Variants in LLGL2 observed in about 807,000 individuals in gnomAD.
The protein encoded by LLGL2 is LLGL2, scribble cell polarity complex component.
LLGL2 carries 81 observed loss-of-function variants against 123.2 expected under a neutral mutation model. The ratio of observed to expected loss-of-function variants is 0.66; its 90% CI spans 0.55 to 0.79. The LOEUF is 0.79. Ranked by LOEUF, LLGL2 falls within the 30% of genes least tolerant of loss-of-function variation. The pLI, the probability that LLGL2 is intolerant of heterozygous loss-of-function variation, is 0.00. For missense variants in LLGL2, 1,273 were observed against 1,414.6 expected, an observed-to-expected ratio of 0.90 and a Z score of 1.61; for synonymous variants, 577 against 594.1, an observed-to-expected ratio of 0.97 and a Z score of 0.42.
In LLGL2 at chr17:75,573,597, G is replaced by T. The variant is rs200220698; in HGVS notation, c.2842G>T (p.Gly948Cys). ...AETKNHRPGN[G>C]AGPKKAPSRA... is the part of the protein sequence containing the mutation. ...AACCAAGAACCACCGCCCTGGTAAC[G>T]GTGCGGGCCCCAAGAAGGCCCCGAG... Residue 948 changes from glycine to cysteine, a missense_variant, in exon 21 of 26, where the codon GGT (glycine) becomes TGT (cysteine). Physicochemically the swap from Gly to Cys is radical, Grantham distance 159. Coordinates refer to ENST00000392550, the MANE Select transcript of LLGL2 (RefSeq NM_001031803.2). The T allele has an allele frequency of 1.2e-6, 2 of 1,611,516 alleles. No homozygotes were observed. The highest frequency in any genetic ancestry group is 1.7e-6 in the Non-Finnish European group (2 of 1,179,640).
intron 19 of LLGL2, among the ~76,000 whole-genome samples, chr17:75,572,314 C>T (rs535806941): frequency 8.0e-5 from 12 of 150,546 alleles, no homozygotes; most frequent in African/African-American, 2.2e-4. Context: ...GGCAGGAGTT[C>T]GAGATCAGCC....
chr17:75,571,109 C>A lies in LLGL2; in HGVS notation c.2176+9C>A. 1 of 1,605,540 alleles carries A rather than the reference C, an allele frequency of 6.2e-7. No homozygotes were observed. Among genetic ancestry groups the A allele is most frequent in the Non-Finnish European group, 8.5e-7 (1 of 1,175,010 alleles). ...CACCTACCTGAAGGACAGTGAGTGG[C>A]CAGCCTGGGGTTGGGGGGCAGGGGG... On this transcript the variant is annotated intron_variant, in intron 17 of 25. Coordinates refer to ENST00000392550, the MANE Select transcript of LLGL2 (RefSeq NM_001031803.2).
rs1429219890 is a variant in LLGL2, at chr17:75,549,464, T to A, written c.75+5963T>A. 6.6e-6 allele frequency among the ~76,000 whole-genome samples: 1 copy of A among 150,468 alleles called. No homozygotes were observed. Among genetic ancestry groups the A allele is most frequent in the East Asian group, 2.0e-4 (1 of 5,030 alleles). On this transcript the variant is annotated intron_variant, in intron 2 of 25. Transcript: ENST00000392550. The surrounding 1 kb of genome is among the most constrained non-coding windows in gnomAD (Gnocchi z 4.0). Reference sequence around the variant, plus strand: ...CCCTGCCCGTGCCCACCCTCCTCTGTCCCCTTAGGCCCTGAACAAACAGTG... The same window carrying A: ...CCCTGCCCGTGCCCACCCTCCTCTGACCCCTTAGGCCCTGAACAAACAGTG...
intron 2 of LLGL2, among the ~76,000 whole-genome samples, chr17:75,554,820 C>T (rs1351502710): frequency 7.3e-5 from 11 of 149,844 alleles, no homozygotes; most frequent in Middle Eastern, 3.2e-3. Flanking sequence ...ACCTGGGAGG[C>T]GGAGCTTATA....
At chr17:75,566,894 G>A (rs1374677390) in intron 10 of LLGL2, among the ~76,000 whole-genome samples, 3 of 152,214 alleles carry the variant, frequency 2.0e-5, no homozygotes, top group Non-Finnish European at 4.4e-5. Context: ...GAGTTCAGAG[G>A]AGAGATCGGG....
intron 6 of LLGL2, among the ~76,000 whole-genome samples, chr17:75,561,847 C>T (rs947233836): frequency 8.6e-5 from 13 of 151,164 alleles, no homozygotes; most frequent in African/African-American, 2.9e-4. Flanking sequence ...GCTTGAACCC[C>T]GGAGGTGGAG....
chr17:75,543,591 T>TA, intron 2 of LLGL2, 90 bp downstream of exon 2: 3 of 1,005,732 alleles, frequency 3.0e-6, no homozygotes, highest in Non-Finnish European at 4.4e-6. Flanking sequence ...TGGATTAAGG[T>TA]ATAGCTCTTA....
upstream of LLGL2, chr17:75,525,304 C>G (rs981053883): frequency 6.6e-6 from 1 of 152,242 alleles, no homozygotes; most frequent in Non-Finnish European, 1.5e-5. The surrounding 1 kb of genome is among the most constrained non-coding windows in gnomAD (Gnocchi z 4.8). Context: ...GGGCTGGGCT[C>G]TGGCAGAGGA....
In LLGL2 at chr17:75,571,673, G is replaced by T; in HGVS notation, c.2183G>T (p.Arg728Leu). ...FADTYLKDSS[R>L]HCPSLWAGTN... is the part of the protein sequence containing the mutation. Reference sequence around the variant, plus strand: ...AAACATGGCTTCTCGGCAGGCTCCCGGCACTGCCCCTCGCTGTGGGCTGGC... The same window carrying T: ...AAACATGGCTTCTCGGCAGGCTCCCTGCACTGCCCCTCGCTGTGGGCTGGC... The change falls in exon 18 of 26, where the codon CGG becomes CTG. Residue 728 changes from arginine (R) to leucine (L), a missense_variant. Arg to Leu is a moderately radical substitution (Grantham distance 102). Transcript: ENST00000392550. 1 of 1,607,632 alleles carries T rather than the reference G, an allele frequency of 6.2e-7. No homozygotes were observed.
In LLGL2 at chr17:75,559,509, G is replaced by C; in HGVS notation, c.530+99G>C. ...CTCTGTCAGGAGCTGTCATTTCTCT[G>C]CTGGGAATTCCATGGGGCTATAGCA... On this transcript the variant is annotated intron_variant, in intron 6 of 25. Coordinates refer to ENST00000392550, the MANE Select transcript of LLGL2 (RefSeq NM_001031803.2). The surrounding 1 kb of genome is among the most constrained non-coding windows in gnomAD (Gnocchi z 4.6). 7.0e-7 allele frequency: 1 copy of C among 1,434,928 alleles called. No individual in the cohort carries two copies. The highest frequency in any genetic ancestry group is 9.3e-7 in the Non-Finnish European group (1 of 1,074,308). The allele number at this position is 1,434,928 out of a possible 1,614,324, so 88.9% of individuals were successfully genotyped here.
Position 75,558,035 on chromosome 17 carries a change from C to T in LLGL2, c.174-120C>T, listed in dbSNP as rs746967865. 24 of 962,178 alleles carry T rather than the reference C, an allele frequency of 2.5e-5. No homozygotes were observed. The highest frequency in any genetic ancestry group is 2.4e-4 in the East Asian group (10 of 41,648). 59.6% of individuals were successfully genotyped at this position (962,178 alleles called of 1,614,324 possible). Reference sequence around the variant, plus strand: ...GCTCCATGCATGGGTCCTGCTGCCTCGGGGGAGGGCAGCCCCTCTCTGTGT... The same window carrying T: ...GCTCCATGCATGGGTCCTGCTGCCTTGGGGGAGGGCAGCCCCTCTCTGTGT... On this transcript the variant is annotated intron_variant, in intron 3 of 25. Transcript: ENST00000392550. The surrounding 1 kb of genome is among the most constrained non-coding windows in gnomAD (Gnocchi z 4.0).
intron 2 of LLGL2, among the ~76,000 whole-genome samples, chr17:75,551,423 T>TA (rs1409536605): frequency 3.9e-5 from 5 of 128,718 alleles, no homozygotes; most frequent in Non-Finnish European, 7.9e-5. Flanking sequence ...CAGGAAGGGA[T>TA]ACAAAGCTTA....
rs892020136 is a variant in LLGL2 at position 75,549,657 on chromosome 17, C to G, written c.75+6156C>G. 6.6e-6 allele frequency among the ~76,000 whole-genome samples: 1 copy of G among 152,214 alleles called. No homozygotes were observed. Among genetic ancestry groups the G allele is most frequent in the African/African-American group, 2.4e-5 (1 of 41,448 alleles). ...CCAGCCAGTATCGGGCAGAGTGGCC[C>G]GGCCAGGCAGGAGTGCTCCCCCAAG... On this transcript the variant is annotated intron_variant, in intron 2 of 25. Coordinates refer to ENST00000392550, the MANE Select transcript of LLGL2 (RefSeq NM_001031803.2). This position sits in a 1 kb window ranked among gnomAD's most constrained non-coding sequence, Gnocchi z 4.0.
intron 2 of LLGL2, among the ~76,000 whole-genome samples, chr17:75,555,281 AT>A (rs980550349): frequency 1.6e-5 from 2 of 127,060 alleles, no homozygotes; most frequent in African/African-American, 5.6e-5. Flanking sequence ...AGTTTGGGTA[AT>A]TTTTGTTCTT....
chr17:75,538,229 G>A (rs1279836370), intron 1 of LLGL2, among the ~76,000 whole-genome samples: 2 of 152,208 alleles, frequency 1.3e-5, no homozygotes, highest in African/African-American at 4.8e-5. Context: ...ACAGGGCCAA[G>A]GAGAGAGGGC....
In LLGL2 at chr17:75,573,165, G is replaced by A; in HGVS notation, c.2612G>A (p.Gly871Asp). The A allele has an allele frequency of 6.2e-7, 1 of 1,613,078 alleles. No individual in the cohort carries two copies. The highest frequency in any genetic ancestry group is 8.5e-7 in the Non-Finnish European group (1 of 1,179,968). Residue 871 changes from glycine to aspartate, a missense_variant, in exon 20 of 26, where the codon GGC becomes GAC. Coordinates refer to ENST00000392550, the MANE Select transcript of LLGL2 (RefSeq NM_001031803.2). ...EHHLAVLTNL[G>D]DIQVVSLPLL... ...CACCTGGCAGTCCTTACCAACCTGG[G>A]CGACATCCAGGTGGTCTCGCTGCCC...
intron 2 of LLGL2, among the ~76,000 whole-genome samples, chr17:75,550,281 C>T (rs1027490107): frequency 3.3e-5 from 5 of 152,198 alleles, no homozygotes; most frequent in Non-Finnish European, 7.4e-5. Flanking sequence ...GGGGCTGAGC[C>T]CAACCTCCTG....
At chr17:75,534,468 T>C (rs1228642342) in intron 1 of LLGL2, among the ~76,000 whole-genome samples, 1 of 152,124 alleles carries the variant, frequency 6.6e-6, no homozygotes, top group African/African-American at 2.4e-5. Context: ...GGAATGCAAA[T>C]TGGGGCTTGG....
At chr17:75,572,360 C>CA (rs5822091) in intron 19 of LLGL2, among the ~76,000 whole-genome samples, 64,132 of 148,538 alleles carry the variant, frequency 0.43, 15,077 homozygotes, top group African/African-American at 0.65. Flanking sequence ...ACTAAAAATA[C>CA]AAAAAAAAAT....
Sources: gnomAD v4.1 joint callset for allele counts (sites outside exome capture counted in the v4.1 genomes callset) on GRCh38, gnomAD v4.1.1 for gene constraint, Gnocchi (gnomAD v3.1) non-coding constraint, MANE v1.5 for transcripts, NCBI Gene and HGNC (gene_info 2026-07-23, HGNC 2026-07-21) for gene names.